PLEKHG1: variants seen among roughly 807,000 people sequenced by gnomAD.
PLEKHG1 encodes pleckstrin homology and RhoGEF domain containing G1.
Under a neutral mutation model 100.8 loss-of-function variants are expected in PLEKHG1, and 44 were observed. The ratio of observed to expected loss-of-function variants is 0.44; its 90% CI spans 0.34 to 0.56. The LOEUF is 0.56. PLEKHG1 is among the 20% of genes least tolerant of loss of function. PLEKHG1 has a pLI of 0.01. For synonymous variants in PLEKHG1, 640 were observed against 662.5 expected (o/e 0.97, Z 0.52); for missense variants, 1,545 against 1,720.9 (o/e 0.90, Z 1.81).
intron 1 of PLEKHG1, among the ~76,000 whole-genome samples, chr6:150,727,548 A>G (rs1037768764): frequency 6.6e-6 from 1 of 152,216 alleles, no homozygotes; most frequent in African/African-American, 2.4e-5. Context: ...AAAAAGTATG[A>G]AAGTCTAGCT....
At chr6:150,628,845 A>C (rs1777623537) in intron 1 of PLEKHG1, among the ~76,000 whole-genome samples, 1 of 152,168 alleles carries the variant, frequency 6.6e-6, no homozygotes, top group African/African-American at 2.4e-5. Context: ...TCCAGGTAAG[A>C]ATGTAGTGCT....
intron 3 of PLEKHG1, among the ~76,000 whole-genome samples, chr6:150,774,789 C>T (rs1784875277): frequency 6.6e-6 from 1 of 151,764 alleles, no homozygotes; most frequent in African/African-American, 2.4e-5. Flanking sequence ...CCTCAGCCTC[C>T]CAAAGTGCTG....
chr6:150,774,898 G>C (rs742638), intron 3 of PLEKHG1, among the ~76,000 whole-genome samples: 1 of 151,674 alleles, frequency 6.6e-6, no homozygotes, highest in African/African-American at 2.4e-5. Context: ...TTTTTTTTCA[G>C]ACATGTTCAT....
intron 1 of PLEKHG1, among the ~76,000 whole-genome samples, chr6:150,608,819 G>A (rs933123240): frequency 1.3e-5 from 2 of 152,142 alleles, no homozygotes; most frequent in Non-Finnish European, 2.9e-5. Flanking sequence ...CAGTCTGTAT[G>A]TTATTTGGAA....
At chr6:150,750,780 C>CAAA (rs1158670858) in intron 2 of PLEKHG1, among the ~76,000 whole-genome samples, 2,294 of 37,316 alleles carry the variant, frequency 0.061, 304 homozygotes, top group African/African-American at 0.21. Flanking sequence ...GACTCCATCT[C>CAAA]AAAAAAAAAA....
At chr6:150,700,612 A>G (rs1183103010) in intron 3 of PLEKHG1, among the ~76,000 whole-genome samples, 1 of 152,252 alleles carries the variant, frequency 6.6e-6, no homozygotes, top group Non-Finnish European at 1.5e-5. Context: ...AATTCTGTAC[A>G]TCTGTGATAT....
rs185830345 is a variant in PLEKHG1, at chr6:150,737,798, G to C, written c.411+3706G>C. On this transcript the variant is annotated intron_variant, in intron 2 of 15. Coordinates refer to ENST00000358517, the Ensembl canonical transcript of PLEKHG1. ...TGCCTAAAAGACGGACTTTTTTTTA[G>C]TTGGCTCTTTATTTATCTATTTTGA... is the stretch of plus-strand genomic sequence containing the variant. Among the ~76,000 whole-genome samples the C allele has an allele frequency of 4.0e-5, 6 of 151,798 alleles. No individual in the cohort carries two copies. The East Asian group carries it at 1.2e-3, about 30-fold the overall frequency.
chr6:150,658,695 T>C (rs535779284), intron 3 of PLEKHG1, among the ~76,000 whole-genome samples: 1 of 152,326 alleles, frequency 6.6e-6, no homozygotes, highest in Admixed American at 6.5e-5. Context: ...GAAGGGATTT[T>C]AGTACAGCCA....
intron 2 of PLEKHG1, among the ~76,000 whole-genome samples, chr6:150,639,753 G>A (rs1425602274): frequency 6.6e-6 from 1 of 152,112 alleles, no homozygotes; most frequent in Non-Finnish European, 1.5e-5. Context: ...CAGGGTGCAA[G>A]TAGACTGGGA....
At chr6:150,785,429 C>CA (rs1476698917) in intron 3 of PLEKHG1, among the ~76,000 whole-genome samples, 2 of 152,156 alleles carry the variant, frequency 1.3e-5, no homozygotes, top group Non-Finnish European at 2.9e-5. Flanking sequence ...TTTGACCCAT[C>CA]AATTCCATAT....
intron 2 of PLEKHG1, among the ~76,000 whole-genome samples, chr6:150,741,281 G>A (rs1054150674): frequency 1.8e-4 from 28 of 152,104 alleles, no homozygotes; most frequent in Admixed American, 7.9e-4. Flanking sequence ...AGTAGCTGTC[G>A]GCTGAACACA....
intron 14 of PLEKHG1, among the ~76,000 whole-genome samples, chr6:150,827,017 A>C (rs956615972): frequency 4.6e-5 from 5 of 109,526 alleles, no homozygotes; most frequent in East Asian, 2.5e-4. Flanking sequence ...TCCTTCCTTT[A>C]TTTCCTTTCT....
At chr6:150,649,619 G>A (rs576383854) in intron 2 of PLEKHG1, among the ~76,000 whole-genome samples, 1 of 152,356 alleles carries the variant, frequency 6.6e-6, no homozygotes, top group South Asian at 2.1e-4. Context: ...GCTTATGCCT[G>A]TAATCCCAGC....
intron 15 of PLEKHG1, among the ~76,000 whole-genome samples, chr6:150,838,925 T>C (rs372955687): frequency 3.3e-5 from 5 of 152,260 alleles, no homozygotes; most frequent in African/African-American, 9.6e-5. Context: ...TTTGAAGCAC[T>C]TGAGGGGAGA....
intron 2 of PLEKHG1, among the ~76,000 whole-genome samples, chr6:150,645,602 GAT>G (rs1234036921): frequency 6.6e-6 from 1 of 152,144 alleles, no homozygotes; most frequent in Non-Finnish European, 1.5e-5. Context: ...TGCATGAACA[GAT>G]TTTTCACAGG....
intron 3 of PLEKHG1, among the ~76,000 whole-genome samples, chr6:150,704,733 A>G (rs1312288223): frequency 6.6e-6 from 1 of 152,268 alleles, no homozygotes; most frequent in Admixed American, 6.5e-5. Flanking sequence ...GACTGCCATA[A>G]CAATAACACA....
At chr6:150,836,157 A>C (rs1777211821) in intron 15 of PLEKHG1, among the ~76,000 whole-genome samples, 1 of 152,126 alleles carries the variant, frequency 6.6e-6, no homozygotes, top group South Asian at 2.1e-4. Context: ...CGGGCAGATC[A>C]CTTGAGGTCA....
chr6:150,733,475 C>A (rs1281736212), intron 1 of PLEKHG1, 109 bp from the exon 3 acceptor site: 2 of 946,494 alleles, frequency 2.1e-6, no homozygotes, highest in African/African-American at 1.7e-5. Flanking sequence ...CTGTAATTGG[C>A]CACCTTGTTA....
At chr6:150,606,660 C>T (rs1431162401) in intron 1 of PLEKHG1, among the ~76,000 whole-genome samples, 1 of 152,210 alleles carries the variant, frequency 6.6e-6, no homozygotes, top group Non-Finnish European at 1.5e-5. Flanking sequence ...TCTAGCTTTT[C>T]TCTTCGTATC....
Sources: allele counts gnomAD v4.1 joint callset (sites outside exome capture counted in the v4.1 genomes callset), GRCh38; gene constraint gnomAD v4.1.1; transcripts MANE v1.5; gene names NCBI Gene and HGNC (gene_info 2026-07-23, HGNC 2026-07-21).